The following LRRC20 variants were observed in gnomAD, a reference collection of about 807,000 sequenced individuals.
The protein encoded by LRRC20 is leucine rich repeat containing 20.
Under a neutral mutation model 14.4 loss-of-function variants are expected in LRRC20, and 11 were observed. The ratio of observed to expected loss-of-function variants is 0.77; its 90% CI spans 0.48 to 1.27. LRRC20 has a LOEUF of 1.27. Among genes scored for constraint, LRRC20 ranks in the 50% most tolerant of loss-of-function variants. The pLI is 0.00. For missense variants in LRRC20, 219 were observed against 251.2 expected, an observed-to-expected ratio of 0.87 and a Z score of 0.87; for synonymous variants, 121 against 107.3, an observed-to-expected ratio of 1.13 and a Z score of -0.79.
rs1335268617 is a variant in LRRC20, at chr10:70,299,265, A to G, written c.*2089T>C. ...TGCAGGTCACACTCCCTTCTTCAGG[A>G]GTGCCATGCAGACTCTGGAACAATC... On this transcript the variant is annotated 3_prime_UTR_variant, in exon 5 of 5. Transcript: ENST00000446961. 1 of 152,176 alleles carries G rather than the reference A, an allele frequency of 6.6e-6. No homozygotes were observed. Among genetic ancestry groups the G allele is most frequent in the East Asian group, 1.9e-4 (1 of 5,182 alleles). 9.4% of individuals were successfully genotyped at this position (152,176 alleles called of 1,614,324 possible). A position where few individuals can be genotyped will look rare whatever the true frequency, so the allele number is the denominator to read the frequency against.
At chr10:70,316,258 G>A (rs545872596) in intron 4 of LRRC20, among the ~76,000 whole-genome samples, 113 of 152,056 alleles carry the variant, frequency 7.4e-4, no homozygotes, top group Middle Eastern at 3.4e-3. Context: ...TCAGCCTCCC[G>A]AGTAGCTGGG....
chr10:70,349,358 A>T (rs143836240), intron 2 of LRRC20, among the ~76,000 whole-genome samples: 8,798 of 152,192 alleles, frequency 0.058, 861 homozygotes, highest in African/African-American at 0.2. Flanking sequence ...CAGGTGGATC[A>T]CCTGAGGTCA....
intron 4 of LRRC20, among the ~76,000 whole-genome samples, chr10:70,305,942 G>A (rs959388050): frequency 5.3e-5 from 8 of 152,036 alleles, no homozygotes; most frequent in Non-Finnish European, 7.4e-5. Context: ...GGATTTCACC[G>A]TGTTAGCCAG....
intron 4 of LRRC20, among the ~76,000 whole-genome samples, chr10:70,307,956 T>C (rs1490328952): frequency 6.6e-6 from 1 of 152,236 alleles, no homozygotes; most frequent in African/African-American, 2.4e-5. Flanking sequence ...CTGCATCCGC[T>C]GAGCAGCAGC....
At chr10:70,353,962 T>C (rs1346976422) in intron 2 of LRRC20, among the ~76,000 whole-genome samples, 1 of 152,188 alleles carries the variant, frequency 6.6e-6, no homozygotes, top group African/African-American at 2.4e-5. Flanking sequence ...TTGAAAGAGC[T>C]GGTGAAAGAG....
intron 4 of LRRC20, among the ~76,000 whole-genome samples, chr10:70,302,031 AGGCCAGTCGT>A (rs1420971952): frequency 3.9e-5 from 6 of 152,162 alleles, no homozygotes; most frequent in Admixed American, 1.3e-4. Flanking sequence ...ACATTGTGCT[AGGCCAGTCGT>A]GGTGGCTCAC....
Position 70,301,355 on chromosome 10 carries a change from T to TAATGGTGGC in LRRC20, c.553_554insGCCACCATT (p.Pro184_Ter185insCysHisHis). ...CTGGGTGGGCATGAGGAGGGTGGCC[T>TAATGGTGGC]AAGGTAGGGGGGCTCTTGCGCCTTC... On this transcript the variant is annotated inframe_insertion, in exon 5 of 5. Transcript: ENST00000446961. The TAATGGTGGC allele has an allele frequency of 2.5e-6, 4 of 1,610,950 alleles. No individual in the cohort carries two copies. The highest frequency in any genetic ancestry group is 3.4e-6 in the Non-Finnish European group (4 of 1,179,270).
At chr10:70,351,578 A>G (rs1279740815) in intron 2 of LRRC20, among the ~76,000 whole-genome samples, 5 of 152,244 alleles carry the variant, frequency 3.3e-5, no homozygotes, top group Non-Finnish European at 5.9e-5. Flanking sequence ...AAAGGACATT[A>G]TAAACATTTT....
intron 4 of LRRC20, among the ~76,000 whole-genome samples, chr10:70,304,491 TATATATATATA>T (rs1564607890): frequency 8.4e-5 from 12 of 142,772 alleles, no homozygotes; most frequent in African/African-American, 2.8e-4. Flanking sequence ...TATATATATA[TATATATATATA>T]TATATTTTAC....
intron 4 of LRRC20, among the ~76,000 whole-genome samples, chr10:70,314,711 AG>A (rs1487440360): frequency 1.3e-5 from 2 of 151,964 alleles, no homozygotes; most frequent in African/African-American, 4.8e-5. Context: ...GATTAATGAG[AG>A]AATCTGGTGA....
intron 2 of LRRC20, among the ~76,000 whole-genome samples, chr10:70,344,489 T>C (rs1047685366): frequency 2.0e-5 from 3 of 152,066 alleles, no homozygotes; most frequent in African/African-American, 7.3e-5. Context: ...ATATAAAATA[T>C]AGAGAAATGA....
rs371622456 is a variant in LRRC20 at position 70,376,510 on chromosome 10, G to A, written c.24C>T (p.Ala8=). The A allele has an allele frequency of 9.3e-6, 15 of 1,613,820 alleles. No individual in the cohort carries two copies. The highest frequency in any genetic ancestry group is 1.6e-4 in the Middle Eastern group (1 of 6,062). ...TGACCTTCCTTGCTACTCTGGCCAC[G>A]GCCTCACCCATCTTCTTCAGCATGC... The part of the protein sequence containing the change: MLKKMGE[A]VARVARKVNE... Residue 8 remains alanine, a synonymous_variant, in exon 2 of 5, where the codon GCC becomes GCT. Coordinates refer to ENST00000446961, the MANE Select transcript of LRRC20 (RefSeq NM_001278212.2).
chr10:70,313,082 C>T (rs1440399069), intron 4 of LRRC20, among the ~76,000 whole-genome samples: 1 of 152,220 alleles, frequency 6.6e-6, no homozygotes, highest in Non-Finnish European at 1.5e-5. Flanking sequence ...GCATATCTGA[C>T]ATGCAATCAA....
chr10:70,354,928 C>T (rs1843466701), intron 2 of LRRC20, among the ~76,000 whole-genome samples: 1 of 152,180 alleles, frequency 6.6e-6, no homozygotes, highest in Non-Finnish European at 1.5e-5. Flanking sequence ...CCAGGGGGAG[C>T]TCAGAGACAC....
At chr10:70,331,962 A>G (rs954687071) in intron 3 of LRRC20, among the ~76,000 whole-genome samples, 1 of 152,198 alleles carries the variant, frequency 6.6e-6, no homozygotes, top group Non-Finnish European at 1.5e-5. Flanking sequence ...AAGCTTGCCA[A>G]TTCCATTAGG....
At chr10:70,352,571 A>G (rs1843351285) in intron 2 of LRRC20, among the ~76,000 whole-genome samples, 1 of 152,174 alleles carries the variant, frequency 6.6e-6, no homozygotes, top group Non-Finnish European at 1.5e-5. Flanking sequence ...TGAACCATGG[A>G]CTTTGGGTAA....
intron 2 of LRRC20, among the ~76,000 whole-genome samples, chr10:70,354,596 G>C (rs1258000158): frequency 6.6e-6 from 1 of 152,172 alleles, no homozygotes; most frequent in East Asian, 1.9e-4. Context: ...AGAGGGGCCA[G>C]GCCTCCTCCT....
At chr10:70,332,547 G>A (rs888235944) in intron 3 of LRRC20, among the ~76,000 whole-genome samples, 33 of 152,190 alleles carry the variant, frequency 2.2e-4, no homozygotes, top group African/African-American at 8.0e-4. Context: ...GGGAGGCTAA[G>A]GTGGAAAGAT....
chr10:70,322,636 G>T (rs953619381), intron 4 of LRRC20, among the ~76,000 whole-genome samples: 8 of 152,158 alleles, frequency 5.3e-5, no homozygotes, highest in African/African-American at 1.9e-4. Context: ...GGGAGCATAA[G>T]ACTGAACCAC....
Sources: gnomAD v4.1 joint callset for allele counts (sites outside exome capture counted in the v4.1 genomes callset) on GRCh38, gnomAD v4.1.1 for gene constraint, MANE v1.5 for transcripts, NCBI Gene and HGNC (gene_info 2026-07-23, HGNC 2026-07-21) for gene names.